Variants in FAM120C observed in about 807,000 individuals in gnomAD.
FAM120C encodes the protein family with sequence similarity 120 member C, also known as constitutive coactivator of PPAR-gamma-like protein 2.
FAM120C carries 14 observed loss-of-function variants against 71.2 expected under a neutral mutation model. The observed-to-expected ratio is 0.20, with a 90% CI of 0.13 to 0.31. FAM120C has a LOEUF of 0.31. FAM120C is among the 10% of genes least tolerant of loss of function. FAM120C has a pLI of 1.00. For missense variants in FAM120C, 500 were observed against 879.0 expected (o/e 0.57, Z 5.45); for synonymous variants, 354 against 353.2 (o/e 1.00, Z -0.03).
At chrX:54,142,296 C>A (rs782551332) in intron 4 of FAM120C, among the ~76,000 whole-genome samples, 1 of 112,058 alleles carries the variant, frequency 8.9e-6, no homozygotes, top group East Asian at 2.8e-4. Flanking sequence ...ACCTGGGAAG[C>A]GCAAGGGGTC....
chrX:54,183,047 G>A lies in FAM120C; in HGVS notation c.152C>T (p.Pro51Leu), dbSNP rs782764661. The part of the protein sequence containing the change: ...RQLPPTAALA[P>L]GAPRAARGSV... ...GCCCCTGGCGGCGCGTGGAGCCCCGGGCGCTAGGGCTGCAGTCGGCGGCAG... is the reference window on the plus strand; with the variant it reads ...GCCCCTGGCGGCGCGTGGAGCCCCGAGCGCTAGGGCTGCAGTCGGCGGCAG... Residue 51 changes from proline to leucine, a missense_variant, in exon 1 of 16, where the codon CCC (proline) becomes CTC (leucine). This residue lies in a region of FAM120C where 79 missense variants were observed against 78.3 expected (regional missense o/e 1.01). Coordinates refer to ENST00000375180, the MANE Select transcript of FAM120C (RefSeq NM_017848.6). 25 of 1,155,904 alleles carry A rather than the reference G, an allele frequency of 2.2e-5. No individual in the cohort carries two copies. The highest frequency in any genetic ancestry group is 2.9e-5 in the Non-Finnish European group (25 of 871,182).
At position 54,110,676 on chromosome X, in the gene FAM120C, G is replaced by A. The variant is rs1483356085; in HGVS notation, c.2312+5869C>T. 2.7e-5 allele frequency among the ~76,000 whole-genome samples: 3 copies of A among 110,681 alleles called. No homozygotes were observed. In the Admixed American group the frequency reaches 2.9e-4, roughly 11 times the overall value. On this transcript the variant is annotated intron_variant, in intron 10 of 15. Coordinates refer to ENST00000375180, the MANE Select transcript of FAM120C (RefSeq NM_017848.6). The stretch of plus-strand genomic sequence containing the variant: ...CATGTCTGTAATCCTAGCACTTTGG[G>A]AGGCCAAGATGGGAGGATTGCTTGA...
Position 54,129,989 on chromosome X carries a change from C to T in FAM120C, c.2062+2703G>A, listed in dbSNP as rs927272249. Among the ~76,000 whole-genome samples, 4 of 104,844 alleles carry T rather than the reference C, an allele frequency of 3.8e-5. 1 individual carries two copies. Among genetic ancestry groups the T allele is most frequent in the African/African-American group, 1.4e-4 (4 of 28,586 alleles). The allele number at this position is 104,844 out of a possible 115,157, so 91.0% of individuals were successfully genotyped here. ...GCAACAGTACAGTCCAGCTTCGGCTCGGCATCAGAGGGAGACCGTGGAAAG... is the reference window on the plus strand; with the variant it reads ...GCAACAGTACAGTCCAGCTTCGGCTTGGCATCAGAGGGAGACCGTGGAAAG... On this transcript the variant is annotated intron_variant, in intron 9 of 15. Coordinates refer to ENST00000375180, the MANE Select transcript of FAM120C (RefSeq NM_017848.6).
intron 10 of FAM120C, among the ~76,000 whole-genome samples, chrX:54,109,809 T>G (rs1603354714): frequency 9.7e-6 from 1 of 102,735 alleles, no homozygotes; most frequent in South Asian, 4.6e-4. Context: ...AGAGCGAGAC[T>G]CCGTCTAAAA....
At chrX:54,114,039 TACACACACACACAC>T (rs201960191) in intron 10 of FAM120C, among the ~76,000 whole-genome samples, 3 of 98,779 alleles carry the variant, frequency 3.0e-5, no homozygotes, top group East Asian at 3.2e-4. Context: ...GAAAGTGTGA[TACACACACACACAC>T]ACACACACAC....
At chrX:54,153,564 C>A (rs782351509) in intron 3 of FAM120C, among the ~76,000 whole-genome samples, 14 of 106,440 alleles carry the variant, frequency 1.3e-4, no homozygotes, top group African/African-American at 4.8e-4. Flanking sequence ...CACAACACCA[C>A]GCCCAGCTAT....
At chrX:54,145,583 A>C (rs1360460012) in intron 4 of FAM120C, among the ~76,000 whole-genome samples, 1 of 112,619 alleles carries the variant, frequency 8.9e-6, no homozygotes, top group Non-Finnish European at 1.9e-5. Context: ...CCATCAGAGA[A>C]ATGCAAATCA....
chrX:54,156,106 T>A (rs999771915), intron 3 of FAM120C, among the ~76,000 whole-genome samples: 2 of 109,729 alleles, frequency 1.8e-5, no homozygotes, highest in African/African-American at 6.6e-5. Flanking sequence ...CTCATCGAAG[T>A]TTTCTTCCCA....
chrX:54,108,759 G>A (rs782564880), intron 10 of FAM120C, among the ~76,000 whole-genome samples: 5 of 109,544 alleles, frequency 4.6e-5, no homozygotes, highest in Admixed American at 2.0e-4. Context: ...GGTGAAACCC[G>A]GTCTCTACAA....
At chrX:54,090,586 T>A (rs2066819467) in intron 11 of FAM120C, among the ~76,000 whole-genome samples, 1 of 110,660 alleles carries the variant, frequency 9.0e-6, no homozygotes, top group South Asian at 3.9e-4. Context: ...CCCCTCACCT[T>A]CTATCATGAG....
chrX:54,172,914 T>C (rs1321294266), intron 1 of FAM120C, among the ~76,000 whole-genome samples: 2 of 112,521 alleles, frequency 1.8e-5, no homozygotes, highest in Non-Finnish European at 3.8e-5. Context: ...TTTTAATCTG[T>C]TGTAACCAGC....
At chrX:54,094,147 G>T (rs2066838232) in intron 10 of FAM120C, among the ~76,000 whole-genome samples, 2 of 92,058 alleles carry the variant, frequency 2.2e-5, no homozygotes, top group Non-Finnish European at 4.1e-5. Flanking sequence ...ATGGAGTGCA[G>T]TGGCATGATT....
intron 13 of FAM120C, among the ~76,000 whole-genome samples, chrX:54,082,478 G>A (rs1414978938): frequency 1.8e-5 from 2 of 110,024 alleles, no homozygotes; most frequent in South Asian, 4.0e-4. Flanking sequence ...GTGCAATCTC[G>A]GCTCACTGCA....
At chrX:54,113,183 C>CG (rs1178245049) in intron 10 of FAM120C, among the ~76,000 whole-genome samples, 2 of 111,390 alleles carry the variant, frequency 1.8e-5, no homozygotes, top group East Asian at 2.8e-4. Flanking sequence ...CAAAAGTGGC[C>CG]GGGGGCGGTG....
chrX:54,128,948 G>T (rs1416929641), intron 9 of FAM120C, among the ~76,000 whole-genome samples: 1 of 109,967 alleles, frequency 9.1e-6, no homozygotes, highest in African/African-American at 3.3e-5. Context: ...CCACAAAACC[G>T]CCATTGTCAT....
intron 1 of FAM120C, among the ~76,000 whole-genome samples, chrX:54,180,683 C>A (rs781894529): frequency 8.9e-6 from 1 of 111,904 alleles, no homozygotes; most frequent in South Asian, 3.7e-4. Flanking sequence ...CACATAGGCA[C>A]AAATCTCAGC....
rs2066764549 is a variant in FAM120C, at chrX:54,081,465, C to A, written c.2840-5G>T. ...GGGGTGGGATTGGATGGAGACCTGG[C>A]AAGATAGAAAGAATGGTGGTAATGG... On this transcript the variant is annotated splice_polypyrimidine_tract_variant and splice_region_variant and intron_variant, in intron 13 of 15. Coordinates refer to ENST00000375180, the MANE Select transcript of FAM120C (RefSeq NM_017848.6). 2 of 1,200,026 alleles carry A rather than the reference C, an allele frequency of 1.7e-6. No homozygotes were observed. Among genetic ancestry groups the A allele is most frequent in the Non-Finnish European group, 2.2e-6 (2 of 890,597 alleles).
intron 9 of FAM120C, 73 bp from the exon 10 acceptor site, chrX:54,116,867 T>A: frequency 9.1e-7 from 1 of 1,095,660 alleles, no homozygotes; most frequent in South Asian, 2.1e-5. Flanking sequence ...CCACAGGACA[T>A]TGACAGGCTC....
chrX:54,145,807 G>A (rs1345735238), intron 4 of FAM120C, among the ~76,000 whole-genome samples: 1 of 111,883 alleles, frequency 8.9e-6, no homozygotes, highest in Non-Finnish European at 1.9e-5. Context: ...CCATTACTGG[G>A]TATATACCCA....
Sources: allele counts gnomAD v4.1 joint callset (sites outside exome capture counted in the v4.1 genomes callset), GRCh38; gene constraint gnomAD v4.1.1; regional missense constraint gnomAD v4.1.1; transcripts MANE v1.5; gene names NCBI Gene and HGNC (gene_info 2026-07-23, HGNC 2026-07-21).